FSIP1: variants seen among roughly 807,000 people sequenced by gnomAD.
FSIP1 encodes the protein fibrous sheath interacting protein 1.
In FSIP1, 65 loss-of-function variants were observed where a neutral mutation model predicts 60.9. The ratio of observed to expected loss-of-function variants is 1.07; its 90% CI spans 0.87 to 1.31. The LOEUF is 1.31. Among genes scored for constraint, FSIP1 ranks in the 40% most tolerant of loss-of-function variants. The probability of loss-of-function intolerance (pLI) is 0.00; values close to 1 mark genes in which losing one functional copy is unlikely to be tolerated. For synonymous variants in FSIP1, 209 were observed against 221.2 expected, an observed-to-expected ratio of 0.94 and a Z score of 0.49; for missense variants, 675 against 665.5, an observed-to-expected ratio of 1.01 and a Z score of -0.16.
chr15:39,740,424 C>G (rs1458454868), intron 6 of FSIP1, among the ~76,000 whole-genome samples: 1 of 152,170 alleles, frequency 6.6e-6, no homozygotes, highest in Non-Finnish European at 1.5e-5. Flanking sequence ...TACTTGTGGA[C>G]TCGTATTCCC....
chr15:39,710,441 G>GAAAAA (rs397945950), intron 10 of FSIP1, among the ~76,000 whole-genome samples: 2 of 74,246 alleles, frequency 2.7e-5, no homozygotes, highest in African/African-American at 8.2e-5. Flanking sequence ...CTCTGTCTCA[G>GAAAAA]AAAAAAAAAA....
At chr15:39,622,174 G>C (rs1279245831) in intron 10 of FSIP1, among the ~76,000 whole-genome samples, 1 of 152,116 alleles carries the variant, frequency 6.6e-6, no homozygotes, top group Admixed American at 6.5e-5. Flanking sequence ...ATCTGTTCAA[G>C]TATTCACCTC....
chr15:39,659,785 C>A (rs560199575), intron 10 of FSIP1, among the ~76,000 whole-genome samples: 10 of 151,982 alleles, frequency 6.6e-5, no homozygotes, highest in Non-Finnish European at 1.5e-4. Context: ...GTGTATATCA[C>A]TATAACATGT....
At chr15:39,671,999 C>G (rs1893739469) in intron 10 of FSIP1, among the ~76,000 whole-genome samples, 1 of 152,172 alleles carries the variant, frequency 6.6e-6, no homozygotes, top group Admixed American at 6.5e-5. Flanking sequence ...GATACAGGTT[C>G]CACAAACTTT....
At chr15:39,747,114 T>C (rs912312065) in intron 5 of FSIP1, among the ~76,000 whole-genome samples, 2 of 151,868 alleles carry the variant, frequency 1.3e-5, no homozygotes, top group Non-Finnish European at 2.9e-5. Context: ...CTCATTTTCT[T>C]GTCTTCTTTT....
chr15:39,637,347 T>C (rs11630406), intron 10 of FSIP1, among the ~76,000 whole-genome samples: 27,588 of 152,148 alleles, frequency 0.18, 3,046 homozygotes, highest in East Asian at 0.32. Flanking sequence ...CACATAATCA[T>C]TGAGAAGGCT....
intron 6 of FSIP1, among the ~76,000 whole-genome samples, chr15:39,741,578 A>T (rs2140643364): frequency 6.6e-6 from 1 of 152,354 alleles, no homozygotes; most frequent in Middle Eastern, 3.4e-3. Flanking sequence ...AGCTTTTTTT[A>T]AAAACTCTTT....
chr15:39,704,991 G>T (rs1895205323), intron 10 of FSIP1, among the ~76,000 whole-genome samples: 1 of 152,104 alleles, frequency 6.6e-6, no homozygotes, highest in Non-Finnish European at 1.5e-5. Context: ...AAAGAATGTG[G>T]ATAGAAATAG....
chr15:39,738,243 A>G (rs1896684187), intron 7 of FSIP1, 42 bp from the exon 8 acceptor site: 2 of 1,291,228 alleles, frequency 1.5e-6, no homozygotes, highest in East Asian at 4.7e-5. Context: ...ACTCAAGGAA[A>G]TTCACAGTTC....
Position 39,713,037 on chromosome 15 carries a change from T to C in FSIP1, c.1188+407A>G, listed in dbSNP as rs555431046. Among the ~76,000 whole-genome samples the C allele has an allele frequency of 1.4e-3, 208 of 152,368 alleles. 1 individual carries two copies. Among genetic ancestry groups the C allele is most frequent in the African/African-American group, 4.8e-3 (200 of 41,600 alleles). On this transcript the variant is annotated intron_variant, in intron 10 of 11. Coordinates refer to ENST00000350221, the MANE Select transcript of FSIP1 (RefSeq NM_152597.5). Reference sequence around the variant, plus strand: ...GGATTATTATTCTGACTTCACATAGTATCTTACACACTATCTGAAGTCAGA... The same window carrying C: ...GGATTATTATTCTGACTTCACATAGCATCTTACACACTATCTGAAGTCAGA...
intron 11 of FSIP1, among the ~76,000 whole-genome samples, chr15:39,605,523 T>G (rs1442417016): frequency 6.6e-6 from 1 of 152,102 alleles, no homozygotes; most frequent in African/African-American, 2.4e-5. Flanking sequence ...AAGCTCCCAG[T>G]GGTTGGATTG....
intron 10 of FSIP1, among the ~76,000 whole-genome samples, chr15:39,664,654 C>A (rs912291277): frequency 6.6e-6 from 1 of 152,162 alleles, no homozygotes; most frequent in African/African-American, 2.4e-5. Context: ...ACTGGGAAAA[C>A]AAAACCCTTT....
At chr15:39,726,820 T>G (rs891950958) in intron 8 of FSIP1, 73 bp from the exon 9 acceptor site, 2 of 1,199,276 alleles carry the variant, frequency 1.7e-6, no homozygotes, top group South Asian at 2.8e-5. Flanking sequence ...CAAGTGGCTA[T>G]AACAGTGCCC....
chr15:39,684,322 G>A (rs1289152591), intron 10 of FSIP1, among the ~76,000 whole-genome samples: 1 of 152,142 alleles, frequency 6.6e-6, no homozygotes, highest in Non-Finnish European at 1.5e-5. Flanking sequence ...AATCTGGAAA[G>A]GTCACTGAGG....
chr15:39,614,894 T>G (rs1298421254), intron 11 of FSIP1, among the ~76,000 whole-genome samples: 1 of 152,118 alleles, frequency 6.6e-6, no homozygotes, highest in Non-Finnish European at 1.5e-5. Flanking sequence ...TTTCAAAGTA[T>G]AACACAATTA....
At chr15:39,779,349 T>C (rs1898170626) in intron 1 of FSIP1, among the ~76,000 whole-genome samples, 1 of 152,210 alleles carries the variant, frequency 6.6e-6, no homozygotes, top group South Asian at 2.1e-4. Context: ...TAGTGGGTTC[T>C]GGATTGGTGG....
intron 10 of FSIP1, among the ~76,000 whole-genome samples, chr15:39,625,109 C>A (rs1459483141): frequency 1.3e-5 from 2 of 152,126 alleles, no homozygotes; most frequent in Non-Finnish European, 2.9e-5. Flanking sequence ...CCTAGGCTAC[C>A]CATCTTCCCC....
Position 39,600,682 on chromosome 15 carries a change from T to C in FSIP1, c.*198A>G, listed in dbSNP as rs1422956289. The stretch of plus-strand genomic sequence containing the variant: ...TAAACAATGGTCCCAGAAATTTTAA[T>C]GAGCAAAAACCACTGAACAATTACA... On this transcript the variant is annotated 3_prime_UTR_variant, in exon 12 of 12. Transcript: ENST00000350221. 8.1e-6 allele frequency: 4 copies of C among 492,874 alleles called. No individual in the cohort carries two copies. In the Admixed American group the frequency reaches 1.2e-4, roughly 15 times the overall value. The allele number at this position is 492,874 out of a possible 1,614,324, so 30.5% of individuals were successfully genotyped here. A position where few individuals can be genotyped will look rare whatever the true frequency, so the allele number is the denominator to read the frequency against.
chr15:39,733,133 C>T (rs1237766902), intron 8 of FSIP1, among the ~76,000 whole-genome samples: 1 of 152,086 alleles, frequency 6.6e-6, no homozygotes, highest in Non-Finnish European at 1.5e-5. Flanking sequence ...CATGTTCAAG[C>T]GATTCTCCTG....
Sources: gnomAD v4.1 joint callset for allele counts (sites outside exome capture counted in the v4.1 genomes callset) on GRCh38, gnomAD v4.1.1 for gene constraint, MANE v1.5 for transcripts, NCBI Gene and HGNC (gene_info 2026-07-23, HGNC 2026-07-21) for gene names.